LRP1B: variants seen among roughly 807,000 people sequenced by gnomAD.
The protein encoded by LRP1B is low-density lipoprotein receptor-related protein 1B.
A neutral mutation model predicts 556.6 loss-of-function variants in LRP1B; 217 were observed. The ratio of observed to expected loss-of-function variants is 0.39; its 90% CI spans 0.35 to 0.44. The LOEUF is 0.44. Ranked by LOEUF, LRP1B falls within the 20% of genes least tolerant of loss-of-function variation. The pLI, the probability that LRP1B is intolerant of heterozygous loss-of-function variation, is 1.00. For synonymous variants in LRP1B, 2,047 were observed against 1,865.8 expected, an observed-to-expected ratio of 1.10 and a Z score of -2.50; for missense variants, 5,053 against 5,620.8, an observed-to-expected ratio of 0.90 and a Z score of 3.23.
At chr2:141,147,651 G>A (rs902035589) in intron 7 of LRP1B, among the ~76,000 whole-genome samples, 2 of 152,182 alleles carry the variant, frequency 1.3e-5, no homozygotes, top group South Asian at 2.1e-4. Flanking sequence ...ATAGTTGCAA[G>A]TACATTTTAT....
intron 2 of LRP1B, among the ~76,000 whole-genome samples, chr2:141,678,117 A>G (rs1259952809): frequency 6.6e-6 from 1 of 152,222 alleles, no homozygotes; most frequent in Non-Finnish European, 1.5e-5. Flanking sequence ...TTTGTGAGAA[A>G]TCCAAGTGAA....
chr2:140,860,495 CT>C (rs1692756008), intron 27 of LRP1B, among the ~76,000 whole-genome samples: 1 of 152,116 alleles, frequency 6.6e-6, no homozygotes, highest in East Asian at 1.9e-4. Context: ...TAAAATGTTC[CT>C]GCAAAAATAG....
Position 140,775,727 on chromosome 2 carries a change from G to T in LRP1B, c.5500+371C>A, listed in dbSNP as rs977448231. 3.3e-5 allele frequency among the ~76,000 whole-genome samples: 5 copies of T among 152,188 alleles called. No homozygotes were observed. The East Asian group carries it at 9.7e-4, about 29-fold the overall frequency. Reference sequence around the variant, plus strand: ...CAAACAATGTAGTGCTTTGGATATGGAATTCTTTTGTTGATGTAGTCCATT... The same window carrying T: ...CAAACAATGTAGTGCTTTGGATATGTAATTCTTTTGTTGATGTAGTCCATT... On this transcript the variant is annotated intron_variant, in intron 33 of 90. Transcript: ENST00000389484.
chr2:140,588,186 G>C (rs1213864595), intron 43 of LRP1B, among the ~76,000 whole-genome samples: 1 of 152,132 alleles, frequency 6.6e-6, no homozygotes, highest in African/African-American at 2.4e-5. Flanking sequence ...ATAAAAGTAG[G>C]CTTTCCTTAT....
intron 1 of LRP1B, among the ~76,000 whole-genome samples, chr2:141,950,824 G>A (rs1701085810): frequency 6.6e-6 from 1 of 152,064 alleles, no homozygotes; most frequent in Non-Finnish European, 1.5e-5. Context: ...AAGAAGCAAT[G>A]AAAGTCAACT....
chr2:140,467,303 A>G (rs533747284), intron 60 of LRP1B, among the ~76,000 whole-genome samples: 1 of 152,178 alleles, frequency 6.6e-6, no homozygotes, highest in South Asian at 2.1e-4. Flanking sequence ...GACACCTAAT[A>G]TCTCATATAA....
At chr2:140,388,957 C>CAAAAAA (rs1683889273) in intron 66 of LRP1B, among the ~76,000 whole-genome samples, 1 of 152,012 alleles carries the variant, frequency 6.6e-6, no homozygotes, top group Admixed American at 6.6e-5. Flanking sequence ...ATCACTGGCT[C>CAAAAAA]AAAAAACTGA....
Position 140,324,008 on chromosome 2 carries a change from A to C in LRP1B, c.12399T>G (p.Pro4133=). 1 of 1,610,212 alleles carries C rather than the reference A, an allele frequency of 6.2e-7. No individual in the cohort carries two copies. The highest frequency in any genetic ancestry group is 1.1e-5 in the South Asian group (1 of 90,990). Residue 4133 remains proline (P), a synonymous_variant, in exon 81 of 91, where the codon CCT becomes CCG. Transcript: ENST00000389484. ...IFEDYIYGAG[P]KNGVFRVQKF... ...TTTGAACTCGAAATACACCATTTTT[A>C]GGTCCTGCTCCATATATATAATCTT...
At chr2:141,444,489 A>T (rs1310668360) in intron 3 of LRP1B, among the ~76,000 whole-genome samples, 2 of 152,170 alleles carry the variant, frequency 1.3e-5, no homozygotes, top group Non-Finnish European at 2.9e-5. Flanking sequence ...GAAAGAGGGC[A>T]TCCTTGTCTT....
intron 2 of LRP1B, among the ~76,000 whole-genome samples, chr2:141,610,254 ACATGTATACATATGTAACTAACCTG>A (rs1323393037): frequency 8.4e-6 from 1 of 118,884 alleles, no homozygotes; most frequent in Non-Finnish European, 2.0e-5. Context: ...CCAGCATGAC[ACATGTATACATATGTAACTAACCTG>A]CACACTGTGC....
At chr2:141,782,690 C>G (rs894392243) in intron 2 of LRP1B, among the ~76,000 whole-genome samples, 13 of 151,784 alleles carry the variant, frequency 8.6e-5, no homozygotes, top group African/African-American at 2.9e-4. Flanking sequence ...AGTAAAATTA[C>G]TAAAAACAAA....
intron 2 of LRP1B, among the ~76,000 whole-genome samples, chr2:141,755,597 G>A (rs1694289184): frequency 6.6e-6 from 1 of 151,974 alleles, no homozygotes; most frequent in Non-Finnish European, 1.5e-5. Flanking sequence ...AGGGCAACAA[G>A]TCAGCAATAT....
chr2:140,433,847 T>C (rs77788762), intron 66 of LRP1B, among the ~76,000 whole-genome samples: 2 of 151,866 alleles, frequency 1.3e-5, no homozygotes, highest in Non-Finnish European at 2.9e-5. Context: ...TCTTTTTTTT[T>C]CTCAAATATC....
At chr2:141,262,407 T>C (rs1416259899) in intron 3 of LRP1B, among the ~76,000 whole-genome samples, 1 of 152,116 alleles carries the variant, frequency 6.6e-6, no homozygotes, top group African/African-American at 2.4e-5. Context: ...TTATTACTGC[T>C]TTTCAAATAA....
chr2:140,348,864 C>T (rs986064099), intron 77 of LRP1B, among the ~76,000 whole-genome samples: 8 of 152,132 alleles, frequency 5.3e-5, no homozygotes, highest in African/African-American at 1.7e-4. Flanking sequence ...GAATTCTGTT[C>T]ACTAGAACAG....
Position 140,950,451 on chromosome 2 carries a change from A to T in LRP1B, c.2969-49T>A, listed in dbSNP as rs533382582. On this transcript the variant is annotated intron_variant, in intron 19 of 90. Coordinates refer to ENST00000389484, the MANE Select transcript of LRP1B (RefSeq NM_018557.3). ...GCAGTGAAATCTGAACCATGAAGAA[A>T]TTTTTTCTTATGAAATATCTAACTG... is the stretch of plus-strand genomic sequence containing the variant. The T allele has an allele frequency of 2.5e-5, 37 of 1,460,640 alleles. No homozygotes were observed. In the East Asian group the frequency reaches 6.5e-4, roughly 26 times the overall value. The allele number at this position is 1,460,640 out of a possible 1,614,324, so 90.5% of individuals were successfully genotyped here.
chr2:142,124,703 TTA>T (rs1707576859), intron 1 of LRP1B, among the ~76,000 whole-genome samples: 1 of 151,870 alleles, frequency 6.6e-6, no homozygotes, highest in Non-Finnish European at 1.5e-5. Context: ...TAATACCCCA[TTA>T]TATAAATATG....
rs143346664 is a variant in LRP1B at position 140,233,268 on chromosome 2, C to G, written c.13718G>C (p.Arg4573Pro). ...AKLYMDGQNC[R>P]NSLGSVDERK... is the part of the protein sequence containing the mutation. Reference sequence around the variant, plus strand: ...TTCATCAACACTTCCTAAGGAGTTTCGACAGTTTTGCCCATCCATATATAA... The same window carrying G: ...TTCATCAACACTTCCTAAGGAGTTTGGACAGTTTTGCCCATCCATATATAA... Residue 4573 changes from arginine (R) to proline (P), a missense_variant, in exon 91 of 91, where the codon CGA becomes CCA. By Grantham distance (103) the Arg-to-Pro change is moderately radical. Coordinates refer to ENST00000389484, the MANE Select transcript of LRP1B (RefSeq NM_018557.3). 6.2e-7 allele frequency: 1 copy of G among 1,605,322 alleles called. No individual in the cohort carries two copies. The highest frequency in any genetic ancestry group is 8.5e-7 in the Non-Finnish European group (1 of 1,174,310).
At chr2:141,982,710 G>A (rs1359787773) in intron 1 of LRP1B, among the ~76,000 whole-genome samples, 4 of 152,180 alleles carry the variant, frequency 2.6e-5, no homozygotes, top group Admixed American at 2.6e-4. Context: ...ACAATCATAA[G>A]AACTTGCACT....
Sources: gnomAD v4.1 joint callset for allele counts (sites outside exome capture counted in the v4.1 genomes callset) on GRCh38, gnomAD v4.1.1 for gene constraint, MANE v1.5 for transcripts, NCBI Gene and HGNC (gene_info 2026-07-23, HGNC 2026-07-21) for gene names.